The following RUSC2 variants were observed in gnomAD, a reference collection of about 807,000 sequenced individuals.
RUSC2 encodes the protein RUN and SH3 domain containing 2.
In RUSC2, 34 loss-of-function variants were observed where a neutral mutation model predicts 122.2. The observed-to-expected ratio is 0.28, with a 90% CI of 0.21 to 0.37. RUSC2 has a LOEUF of 0.37. Among genes scored for constraint, RUSC2 ranks in the 10% least tolerant of loss-of-function variants. The probability of loss-of-function intolerance (pLI) is 1.00; values close to 1 mark genes in which losing one functional copy is unlikely to be tolerated. For synonymous variants in RUSC2, 784 were observed against 790.0 expected (o/e 0.99, Z 0.13); for missense variants, 1,747 against 1,952.4 (o/e 0.89, Z 1.98).
intron 2 of RUSC2, among the ~76,000 whole-genome samples, chr9:35,551,287 TGTAGCCTTA>T (rs1488581672): frequency 6.6e-6 from 1 of 152,244 alleles, no homozygotes; most frequent in East Asian, 1.9e-4. Flanking sequence ...ACAGCTGTGC[TGTAGCCTTA>T]GGTTGGGTCT....
intron 1 of RUSC2, among the ~76,000 whole-genome samples, chr9:35,531,084 C>A (rs1307482393): frequency 1.3e-5 from 2 of 151,904 alleles, no homozygotes; most frequent in South Asian, 2.1e-4. Context: ...ATGGTGAAAC[C>A]CCGTCTCCAC....
rs1343821473 is a variant in RUSC2, at chr9:35,557,829, C to T, written c.2984-85C>T. ...GACGGAGTAAGTGTGGGAGCCCTTT[C>T]CCTGAGGAAACCTGAGGTTTCAGCC... On this transcript the variant is annotated intron_variant, in intron 5 of 11. Coordinates refer to ENST00000361226, the MANE Select transcript of RUSC2 (RefSeq NM_014806.5). The surrounding 1 kb of genome is among the most constrained non-coding windows in gnomAD (Gnocchi z 4.6). 4 of 1,135,554 alleles carry T rather than the reference C, an allele frequency of 3.5e-6. No individual in the cohort carries two copies. Among genetic ancestry groups the T allele is most frequent in the Admixed American group, 1.7e-5 (1 of 59,170 alleles). The allele number at this position is 1,135,554 out of a possible 1,614,324, so 70.3% of individuals were successfully genotyped here.
chr9:35,555,674 G>T lies in RUSC2; in HGVS notation c.2629G>T (p.Gly877Cys). Residue 877 changes from glycine to cysteine, a missense_variant, in exon 3 of 12, where the codon GGC becomes TGC. Physicochemically the swap from Gly to Cys is radical, Grantham distance 159 (BLOSUM62 -3). Transcript: ENST00000361226. This position sits in a 1 kb window ranked among gnomAD's most constrained non-coding sequence, Gnocchi z 4.6. The stretch of plus-strand genomic sequence containing the variant: ...GAGCCTGGCCCGGGGAGGTGGTGAG[G>T]GCAGCATGGCCACCAGGCCCAGTAA... ...AESLARGGGE[G>C]SMATRPSNAN... 6.3e-7 allele frequency: 1 copy of T among 1,596,572 alleles called. No homozygotes were observed. The highest frequency in any genetic ancestry group is 1.1e-5 in the South Asian group (1 of 90,390).
intron 1 of RUSC2, among the ~76,000 whole-genome samples, chr9:35,537,994 G>A (rs919600040): frequency 1.3e-5 from 2 of 152,190 alleles, no homozygotes; most frequent in Non-Finnish European, 2.9e-5. Context: ...AGCAGGGAAG[G>A]AGCAGAGGAC....
At position 35,558,545 on chromosome 9, in the gene RUSC2, G is replaced by A. The variant is rs754211893; in HGVS notation, c.3319G>A (p.Ala1107Thr). The A allele has an allele frequency of 2.5e-6, 4 of 1,614,014 alleles. No individual in the cohort carries two copies. The highest frequency in any genetic ancestry group is 1.1e-5 in the South Asian group (1 of 91,074). Residue 1107 changes from alanine to threonine, a missense_variant, in exon 8 of 12, where the codon GCC becomes ACC. Coordinates refer to ENST00000361226, the MANE Select transcript of RUSC2 (RefSeq NM_014806.5). This position sits in a 1 kb window ranked among gnomAD's most constrained non-coding sequence, Gnocchi z 4.3. ...ELTSHTMRFNAFILGLLNIRS... is the reference protein window; with the variant it reads ...ELTSHTMRFNTFILGLLNIRS... Reference sequence around the variant, plus strand: ...CACCAGTCATACCATGCGCTTCAACGCCTTCATCCTCGGCCTGCTCAAGTG... The same window carrying A: ...CACCAGTCATACCATGCGCTTCAACACCTTCATCCTCGGCCTGCTCAAGTG...
At chr9:35,508,281 T>A (rs551005870) in intron 1 of RUSC2, among the ~76,000 whole-genome samples, 23 of 152,338 alleles carry the variant, frequency 1.5e-4, no homozygotes, top group African/African-American at 5.5e-4. Context: ...CCCTCCTACT[T>A]GATCACAATT....
intron 1 of RUSC2, among the ~76,000 whole-genome samples, chr9:35,529,397 C>T (rs1212006256): frequency 6.6e-6 from 1 of 150,848 alleles, no homozygotes; most frequent in Admixed American, 6.6e-5. Flanking sequence ...GAATGAGGGC[C>T]TAGTGTAGCC....
At chr9:35,525,176 G>C (rs1821301574) in intron 1 of RUSC2, among the ~76,000 whole-genome samples, 1 of 152,156 alleles carries the variant, frequency 6.6e-6, no homozygotes, top group African/African-American at 2.4e-5. Flanking sequence ...AGTTTCTGCA[G>C]AGAAATAATC....
intron 1 of RUSC2, among the ~76,000 whole-genome samples, chr9:35,528,440 T>C (rs1335880613): frequency 6.6e-6 from 1 of 151,444 alleles, no homozygotes; most frequent in Non-Finnish European, 1.5e-5. Context: ...TATTTTGCAG[T>C]GAAAGGGGCC....
intron 1 of RUSC2, among the ~76,000 whole-genome samples, chr9:35,490,678 C>T (rs1160802569): frequency 6.6e-6 from 1 of 152,174 alleles, no homozygotes; most frequent in Non-Finnish European, 1.5e-5. Flanking sequence ...CCCCTGCCTC[C>T]CTTTATTATC....
At chr9:35,493,791 C>G (rs1345860749) in intron 1 of RUSC2, among the ~76,000 whole-genome samples, 1 of 151,942 alleles carries the variant, frequency 6.6e-6, no homozygotes, top group African/African-American at 2.4e-5. Context: ...GTGTGAGCCA[C>G]TGCACCTGGC....
intron 2 of RUSC2, among the ~76,000 whole-genome samples, chr9:35,553,636 G>A (rs1021537435): frequency 7.2e-5 from 11 of 152,224 alleles, no homozygotes; most frequent in Non-Finnish European, 1.0e-4. Context: ...GATTCAGACA[G>A]AAAGAAAAGC....
intron 1 of RUSC2, among the ~76,000 whole-genome samples, chr9:35,500,373 C>G (rs982903968): frequency 3.3e-5 from 5 of 152,272 alleles, no homozygotes; most frequent in Non-Finnish European, 5.9e-5. Context: ...AAGACCTGCC[C>G]CCATGATTCA....
intron 1 of RUSC2, among the ~76,000 whole-genome samples, chr9:35,509,512 A>G (rs1431562936): frequency 6.6e-6 from 1 of 152,144 alleles, no homozygotes; most frequent in African/African-American, 2.4e-5. Flanking sequence ...CCTCCTTTCT[A>G]TATATTTTCC....
rs955285995 is a variant in RUSC2, at chr9:35,555,278, G to A, written c.2233G>A (p.Ala745Thr). The change falls in exon 3 of 12, where the codon GCT (alanine) becomes ACT (threonine). Residue 745 changes from alanine (A) to threonine (T), a missense_variant. Transcript: ENST00000361226. This position sits in a 1 kb window ranked among gnomAD's most constrained non-coding sequence, Gnocchi z 4.6. ...CCCTGCTGCTCAAGTCTCAGTCCCAGCTCCCTCAGGGGAACCGCAGGCATC... is the reference window on the plus strand; with the variant it reads ...CCCTGCTGCTCAAGTCTCAGTCCCAACTCCCTCAGGGGAACCGCAGGCATC... ...AAPAAQVSVP[A>T]PSGEPQASTP... 7 of 1,613,400 alleles carry A rather than the reference G, an allele frequency of 4.3e-6. No individual in the cohort carries two copies. The highest frequency in any genetic ancestry group is 4.2e-6 in the Non-Finnish European group (5 of 1,180,010).
intron 1 of RUSC2, among the ~76,000 whole-genome samples, chr9:35,513,190 TTTGTTGTTGTTGTTGTTGTTGTTGTTG>T (rs147038968): frequency 6.7e-6 from 1 of 149,654 alleles, no homozygotes. Context: ...TATACTTTGT[TTTGTTGTTGTTGTTGTTGTTGTTGTTG>T]TTGTTGTTGT....
In RUSC2 at chr9:35,546,545, T is replaced by C. The variant is rs1488809353; in HGVS notation, c.24T>C (p.Thr8=). ...GAATGGATAGTCCCCCAAAGCTGAC[T>C]GGAGAGACCCTCATCGTTCATCACA... is the stretch of plus-strand genomic sequence containing the variant. MDSPPKL[T]GETLIVHHIP... The change falls in exon 2 of 12, where the codon ACT becomes ACC. Residue 8 remains threonine, a synonymous_variant. Coordinates refer to ENST00000361226, the MANE Select transcript of RUSC2 (RefSeq NM_014806.5). This position sits in a 1 kb window ranked among gnomAD's most constrained non-coding sequence, Gnocchi z 4.3. 1 of 1,471,120 alleles carries C rather than the reference T, an allele frequency of 6.8e-7. No homozygotes were observed. The highest frequency in any genetic ancestry group is 2.4e-5 in the East Asian group (1 of 41,168). The allele number at this position is 1,471,120 out of a possible 1,614,324, so 91.1% of individuals were successfully genotyped here. A position where few individuals can be genotyped will look rare whatever the true frequency, so the allele number is the denominator to read the frequency against.
intron 1 of RUSC2, among the ~76,000 whole-genome samples, chr9:35,504,266 G>A (rs1820870233): frequency 6.6e-6 from 1 of 152,116 alleles, no homozygotes. Flanking sequence ...GGCAATGAAT[G>A]AAAATGCCTG....
Position 35,548,950 on chromosome 9 carries a change from T to C in RUSC2, c.2014+415T>C. 1.6e-6 allele frequency: 1 copy of C among 643,466 alleles called. No individual in the cohort carries two copies. Among genetic ancestry groups the C allele is most frequent in the Non-Finnish European group, 1.9e-6 (1 of 517,822 alleles). 39.9% of individuals were successfully genotyped at this position (643,466 alleles called of 1,614,324 possible). A position where few individuals can be genotyped will look rare whatever the true frequency, so the allele number is the denominator to read the frequency against. On this transcript the variant is annotated intron_variant, in intron 2 of 11. Transcript: ENST00000361226. This position sits in a 1 kb window ranked among gnomAD's most constrained non-coding sequence, Gnocchi z 4.5. ...AGGGGGCTGAGGCAGGAGAATTGCT[T>C]GAACCCAGGAGGTGGAGGTTGCACT...
Sources: gnomAD v4.1 joint callset for allele counts (sites outside exome capture counted in the v4.1 genomes callset) on GRCh38, gnomAD v4.1.1 for gene constraint, Gnocchi (gnomAD v3.1) non-coding constraint, MANE v1.5 for transcripts, NCBI Gene and HGNC (gene_info 2026-07-23, HGNC 2026-07-21) for gene names.